Variants in MAP2K5 observed in about 807,000 individuals in gnomAD.
MAP2K5 encodes mitogen-activated protein kinase kinase 5.
A neutral mutation model predicts 83.1 loss-of-function variants in MAP2K5; 49 were observed. The observed-to-expected ratio is 0.59, with a 90% CI of 0.47 to 0.75. The LOEUF (loss-of-function observed/expected upper bound fraction) is 0.75, where lower values mean the gene tolerates loss of function less well. Ranked by LOEUF, MAP2K5 falls within the 30% of genes least tolerant of loss-of-function variation. The probability of loss-of-function intolerance (pLI) is 0.00; values close to 1 mark genes in which losing one functional copy is unlikely to be tolerated. For synonymous variants in MAP2K5, 202 were observed against 191.8 expected, an observed-to-expected ratio of 1.05 and a Z score of -0.44; for missense variants, 457 against 557.5, an observed-to-expected ratio of 0.82 and a Z score of 1.82.
At position 67,749,658 on chromosome 15, in the gene MAP2K5, A is replaced by G. The variant is rs2089677824; in HGVS notation, c.1134+1057A>G. ...CCTTAATGGTTGCATCAGTCAGTCC[A>G]TATATCCCCTGCAAGCCATAATCCA... On this transcript the variant is annotated intron_variant, in intron 19 of 21. Transcript: ENST00000178640. This position sits in a 1 kb window ranked among gnomAD's most constrained non-coding sequence, Gnocchi z 4.6. Among the ~76,000 whole-genome samples, 1 of 152,198 alleles carries G rather than the reference A, an allele frequency of 6.6e-6. No individual in the cohort carries two copies. Among genetic ancestry groups the G allele is most frequent in the East Asian group, 1.9e-4 (1 of 5,198 alleles).
chr15:67,806,888 GC>G lies in MAP2K5; in HGVS notation c.*139del, dbSNP rs2090823175. ...CCTGCCCTCGCCTTCACCTCTGTCA[GC>G]AGGTGGCCTTGCCTGGGGAGCCCCA... On this transcript the variant is annotated 3_prime_UTR_variant, in exon 22 of 22. Transcript: ENST00000178640. 1 of 1,594,070 alleles carries G rather than the reference GC, an allele frequency of 6.3e-7. No homozygotes were observed.
At position 67,793,440 on chromosome 15, in the gene MAP2K5, G is replaced by A. The variant is rs1005144717; in HGVS notation, c.1243-13206G>A. ...TTGTTTTTGTTGTATAGTTTTGCTA[G>A]TAGATGTCATTTCTTGCTGCTGTTC... On this transcript the variant is annotated intron_variant, in intron 21 of 21. Transcript: ENST00000178640. This position sits in a 1 kb window ranked among gnomAD's most constrained non-coding sequence, Gnocchi z 4.6. 6.6e-6 allele frequency among the ~76,000 whole-genome samples: 1 copy of A among 152,134 alleles called. No homozygotes were observed. The highest frequency in any genetic ancestry group is 1.5e-5 in the Non-Finnish European group (1 of 68,038).
intron 15 of MAP2K5, among the ~76,000 whole-genome samples, chr15:67,700,041 T>A (rs1413618187): frequency 1.3e-5 from 2 of 152,202 alleles, no homozygotes; most frequent in Non-Finnish European, 2.9e-5. Flanking sequence ...GAAGTTTTCT[T>A]GCCTACTTTG....
At chr15:67,714,471 A>C (rs2088784491) in intron 16 of MAP2K5, among the ~76,000 whole-genome samples, 1 of 130,348 alleles carries the variant, frequency 7.7e-6, no homozygotes, top group Admixed American at 8.7e-5. Flanking sequence ...ACCCTGACAC[A>C]GCTGTTTCTA....
chr15:67,747,274 C>G lies in MAP2K5; in HGVS notation c.1075-957C>G, dbSNP rs2141272518. Among the ~76,000 whole-genome samples the G allele has an allele frequency of 6.6e-6, 1 of 152,270 alleles. No individual in the cohort carries two copies. Among genetic ancestry groups the G allele is most frequent in the South Asian group, 2.1e-4 (1 of 4,822 alleles). ...TTTAAAAACATATAAGGGATTATTA[C>G]TAGTTTCCCTGTATTTTACCGGCTG... On this transcript the variant is annotated intron_variant, in intron 17 of 21. Transcript: ENST00000178640. This position sits in a 1 kb window ranked among gnomAD's most constrained non-coding sequence, Gnocchi z 4.1.
In MAP2K5 at chr15:67,747,583, C is replaced by T. The variant is rs74020415; in HGVS notation, c.1075-648C>T. The stretch of plus-strand genomic sequence containing the variant: ...GCCTTCAGAATGTTGATCAGAAATG[C>T]GCTCTTACTGGACTCTGCATTTATT... On this transcript the variant is annotated intron_variant, in intron 17 of 21. Transcript: ENST00000178640. The surrounding 1 kb of genome is among the most constrained non-coding windows in gnomAD (Gnocchi z 4.1). Among the ~76,000 whole-genome samples, 18 of 152,238 alleles carry T rather than the reference C, an allele frequency of 1.2e-4. No homozygotes were observed. Among genetic ancestry groups the T allele is most frequent in the African/African-American group, 4.1e-4 (17 of 41,524 alleles).
intron 13 of MAP2K5, among the ~76,000 whole-genome samples, chr15:67,691,812 A>G (rs920345256): frequency 5.3e-5 from 8 of 152,232 alleles, no homozygotes; most frequent in South Asian, 2.1e-4. Context: ...TTTGTTAACT[A>G]TAACAGCAGC....
rs1470494261 is a variant in MAP2K5 at position 67,719,832 on chromosome 15, A to G, written c.1045-8084A>G. On this transcript the variant is annotated intron_variant, in intron 16 of 21. Coordinates refer to ENST00000178640, the MANE Select transcript of MAP2K5 (RefSeq NM_145160.3). The surrounding 1 kb of genome is among the most constrained non-coding windows in gnomAD (Gnocchi z 4.6). ...TTCATTTTTCAATTAGAAAAGTAAA[A>G]TGGTTGCTCTCATTAATCATGACTA... 6.6e-6 allele frequency among the ~76,000 whole-genome samples: 1 copy of G among 152,198 alleles called. No homozygotes were observed. The highest frequency in any genetic ancestry group is 1.5e-5 in the Non-Finnish European group (1 of 68,030).
At chr15:67,591,663 C>T (rs577198087) in intron 6 of MAP2K5, among the ~76,000 whole-genome samples, 2 of 151,962 alleles carry the variant, frequency 1.3e-5, no homozygotes, top group Admixed American at 6.5e-5. Flanking sequence ...GCCACCGCGC[C>T]GGCCCCTTAA....
intron 4 of MAP2K5, among the ~76,000 whole-genome samples, chr15:67,585,367 T>G (rs1245266131): frequency 6.6e-6 from 1 of 152,240 alleles, no homozygotes; most frequent in African/African-American, 2.4e-5. Context: ...AGAAATGTAA[T>G]AAAATTAGTT....
chr15:67,773,724 G>A (rs2090184367), intron 21 of MAP2K5, among the ~76,000 whole-genome samples: 1 of 152,132 alleles, frequency 6.6e-6, no homozygotes, highest in Non-Finnish European at 1.5e-5. Context: ...AGTTTTCAGG[G>A]TAGTTTCAAG....
intron 11 of MAP2K5, among the ~76,000 whole-genome samples, chr15:67,646,695 A>G (rs924036340): frequency 6.6e-6 from 1 of 152,172 alleles, no homozygotes; most frequent in Non-Finnish European, 1.5e-5. Flanking sequence ...TGAAAATTTA[A>G]ATAGAACAGA....
At chr15:67,643,226 C>T (rs6494677) in intron 9 of MAP2K5, among the ~76,000 whole-genome samples, 149,433 of 152,264 alleles carry the variant, frequency 0.98, 73,403 homozygotes, top group Middle Eastern at 1. Flanking sequence ...ATTCCTGGTA[C>T]TTGTCATCAT....
Position 67,764,424 on chromosome 15 carries a change from C to T in MAP2K5, c.1135-5178C>T, listed in dbSNP as rs1033214013. Among the ~76,000 whole-genome samples the T allele has an allele frequency of 3.9e-5, 6 of 152,162 alleles. No homozygotes were observed. Among genetic ancestry groups the T allele is most frequent in the African/African-American group, 9.7e-5 (4 of 41,440 alleles). The stretch of plus-strand genomic sequence containing the variant: ...GCCCCATGACCCTCGTTTGTGAACT[C>T]GCGTCTGCCAGCCAAACTGAACCAA... On this transcript the variant is annotated intron_variant, in intron 19 of 21. Transcript: ENST00000178640. The surrounding 1 kb of genome is among the most constrained non-coding windows in gnomAD (Gnocchi z 4.9).
Position 67,769,327 on chromosome 15 carries a change from A to G in MAP2K5, c.1135-275A>G, listed in dbSNP as rs1276631476. Reference sequence around the variant, plus strand: ...TTAATTTCTCATTTACACTTTCCCTACCTTCTCTCCTACCCTGTGGCTATC... The same window carrying G: ...TTAATTTCTCATTTACACTTTCCCTGCCTTCTCTCCTACCCTGTGGCTATC... On this transcript the variant is annotated intron_variant, in intron 19 of 21. Transcript: ENST00000178640. The surrounding 1 kb of genome is among the most constrained non-coding windows in gnomAD (Gnocchi z 5.2). Among the ~76,000 whole-genome samples, 1 of 152,162 alleles carries G rather than the reference A, an allele frequency of 6.6e-6. No individual in the cohort carries two copies. The highest frequency in any genetic ancestry group is 2.1e-4 in the South Asian group (1 of 4,830).
intron 8 of MAP2K5, among the ~76,000 whole-genome samples, chr15:67,626,846 A>G (rs1416912007): frequency 6.6e-6 from 1 of 152,126 alleles, no homozygotes; most frequent in Non-Finnish European, 1.5e-5. Flanking sequence ...GTCACAATGA[A>G]CTAATAAGAT....
intron 6 of MAP2K5, among the ~76,000 whole-genome samples, chr15:67,590,772 A>T (rs1389023683): frequency 1.3e-5 from 2 of 151,948 alleles, no homozygotes; most frequent in Non-Finnish European, 2.9e-5. Flanking sequence ...TTTCTGATGT[A>T]TTTATGATCT....
At chr15:67,689,879 G>T (rs1443083430) in intron 13 of MAP2K5, among the ~76,000 whole-genome samples, 1 of 152,142 alleles carries the variant, frequency 6.6e-6, no homozygotes, top group Non-Finnish European at 1.5e-5. Flanking sequence ...GTCTCCATCT[G>T]ATATGGTAGC....
At chr15:67,667,748 A>C (rs572942272) in intron 13 of MAP2K5, among the ~76,000 whole-genome samples, 1 of 152,310 alleles carries the variant, frequency 6.6e-6, no homozygotes, top group East Asian at 1.9e-4. Context: ...AAGAGAACAA[A>C]CTATTTCTCG....
Sources: allele counts gnomAD v4.1 joint callset (sites outside exome capture counted in the v4.1 genomes callset), GRCh38; gene constraint gnomAD v4.1.1; non-coding constraint Gnocchi (gnomAD v3.1); transcripts MANE v1.5; gene names NCBI Gene and HGNC (gene_info 2026-07-23, HGNC 2026-07-21).